The following PRDM5 variants were observed in gnomAD, a reference collection of about 807,000 sequenced individuals.
PRDM5 encodes the protein PR domain zinc finger protein 5.
PRDM5 carries 56 observed loss-of-function variants against 81.2 expected under a neutral mutation model. That is an observed-to-expected ratio of 0.69 (90% CI 0.56 to 0.86). PRDM5 has a LOEUF of 0.86. PRDM5 is among the 40% of genes least tolerant of loss of function. The pLI is 0.00. For synonymous variants in PRDM5, 267 were observed against 256.4 expected (o/e 1.04, Z -0.39); for missense variants, 697 against 770.1 (o/e 0.91, Z 1.12).
downstream of PRDM5, among the ~76,000 whole-genome samples, chr4:120,688,675 T>G (rs1015231087): frequency 5.3e-5 from 8 of 152,176 alleles, no homozygotes; most frequent in Non-Finnish European, 1.2e-4. Context: ...TCCAACTTCT[T>G]TTTTTACATG....
intron 12 of PRDM5, among the ~76,000 whole-genome samples, chr4:120,778,453 C>G (rs368831523): frequency 5.6e-4 from 85 of 152,222 alleles, no homozygotes; most frequent in African/African-American, 2.0e-3. Flanking sequence ...GAACCATCAC[C>G]ATAGCAAAAC....
intron 13 of PRDM5, among the ~76,000 whole-genome samples, chr4:120,768,576 C>T (rs1459600393): frequency 6.6e-6 from 1 of 152,064 alleles, no homozygotes; most frequent in Non-Finnish European, 1.5e-5. Flanking sequence ...ACAATGAGAG[C>T]CCCCAGATCT....
At chr4:120,731,210 C>T (rs1044954742) in intron 14 of PRDM5, among the ~76,000 whole-genome samples, 4 of 152,058 alleles carry the variant, frequency 2.6e-5, no homozygotes, top group African/African-American at 9.7e-5. Context: ...GAGATTTTTA[C>T]AGGTGTAATT....
intron 7 of PRDM5, chr4:120,812,805 T>C (rs1053743433): frequency 1.9e-4 from 79 of 413,622 alleles, no homozygotes; most frequent in Non-Finnish European, 3.2e-4. Context: ...CACTTTTCCA[T>C]GTACTAATAC....
chr4:120,706,707 GGTT>G, intron 15 of PRDM5, among the ~76,000 whole-genome samples: 1 of 144,198 alleles, frequency 6.9e-6, no homozygotes, highest in African/African-American at 2.5e-5. Context: ...GGGCAAAACT[GGTT>G]TTATATATAT....
chr4:120,718,472 T>G (rs1738123465), intron 14 of PRDM5, among the ~76,000 whole-genome samples: 1 of 152,242 alleles, frequency 6.6e-6, no homozygotes, highest in African/African-American at 2.4e-5. Flanking sequence ...ATTTCCTATT[T>G]CTAAATTTAA....
At chr4:120,810,504 CAAA>C (rs1357874152) in intron 8 of PRDM5, 3 of 151,926 alleles carry the variant, frequency 2.0e-5, no homozygotes, top group African/African-American at 7.2e-5. Context: ...TGGAATGTAA[CAAA>C]GAAGATTAGC....
In PRDM5 at chr4:120,871,975, A is replaced by G. The variant is rs562249267; in HGVS notation, c.178-18435T>C. 2.2e-3 allele frequency among the ~76,000 whole-genome samples: 337 copies of G among 151,758 alleles called. 1 individual carries two copies. Among genetic ancestry groups the G allele is most frequent in the African/African-American group, 7.6e-3 (314 of 41,356 alleles). On this transcript the variant is annotated intron_variant, in intron 2 of 15. Transcript: ENST00000264808. ...AGACCAGCCTGACCGACATGGTGAA[A>G]CCCCATCTCTACTAAAAATTCAAAA...
At chr4:120,797,519 G>A (rs1394059082) in intron 10 of PRDM5, among the ~76,000 whole-genome samples, 1 of 152,110 alleles carries the variant, frequency 6.6e-6, no homozygotes, top group Admixed American at 6.6e-5. Context: ...GTAAAGGGTA[G>A]AGTCTTTATA....
intron 1 of PRDM5, among the ~76,000 whole-genome samples, chr4:120,686,644 T>G (rs1022179981): frequency 2.0e-5 from 3 of 152,032 alleles, no homozygotes; most frequent in Admixed American, 2.0e-4. Context: ...ATTAATTTGG[T>G]GTTTAAATAA....
chr4:120,763,200 T>C (rs565815953), intron 13 of PRDM5, among the ~76,000 whole-genome samples: 6 of 152,280 alleles, frequency 3.9e-5, no homozygotes, highest in African/African-American at 1.4e-4. Context: ...GACAGCCACG[T>C]GCTCACGAAC....
Position 120,922,689 on chromosome 4 carries a change from C to T in PRDM5, c.-81G>A. On this transcript the variant is annotated 5_prime_UTR_variant, in exon 1 of 16. Coordinates refer to ENST00000264808, the MANE Select transcript of PRDM5 (RefSeq NM_018699.4). ...GGCGGCACATCGAAATTTGGGGTGC[C>T]AGGGTAGAGGGGAGAAACCGGCAGG... 4 of 1,534,814 alleles carry T rather than the reference C, an allele frequency of 2.6e-6. No individual in the cohort carries two copies. Among genetic ancestry groups the T allele is most frequent in the Non-Finnish European group, 3.5e-6 (4 of 1,133,296 alleles).
intron 14 of PRDM5, among the ~76,000 whole-genome samples, chr4:120,729,570 C>T (rs930175111): frequency 9.2e-5 from 14 of 151,976 alleles, no homozygotes; most frequent in African/African-American, 2.7e-4. Flanking sequence ...TCAAAAATAG[C>T]CATCTTCAAG....
chr4:120,756,292 A>G (rs1044175685), intron 13 of PRDM5, among the ~76,000 whole-genome samples: 2 of 152,218 alleles, frequency 1.3e-5, no homozygotes, highest in African/African-American at 4.8e-5. Flanking sequence ...ATCAGTGTGC[A>G]TTGTTTTGAA....
At chr4:120,813,573 G>T (rs531633349) in intron 7 of PRDM5, among the ~76,000 whole-genome samples, 6 of 152,276 alleles carry the variant, frequency 3.9e-5, no homozygotes, top group African/African-American at 1.4e-4. Context: ...TTAATGCACT[G>T]TTTTTAGCAG....
At chr4:120,918,391 T>C (rs1724465447) in intron 1 of PRDM5, among the ~76,000 whole-genome samples, 1 of 152,174 alleles carries the variant, frequency 6.6e-6, no homozygotes, top group Non-Finnish European at 1.5e-5. Context: ...AGCCCTAGGA[T>C]ACAAATCCAT....
At chr4:120,794,135 C>T (rs80012666) in intron 10 of PRDM5, among the ~76,000 whole-genome samples, 30,298 of 152,034 alleles carry the variant, frequency 0.2, 3,676 homozygotes, top group Non-Finnish European at 0.28. Flanking sequence ...TCATTGTGAA[C>T]GTGCTTCTAG....
At chr4:120,821,070 A>G in intron 4 of PRDM5, 101 bp downstream of exon 4, 1 of 1,307,020 alleles carries the variant, frequency 7.7e-7, no homozygotes. Context: ...ACTTTATTTG[A>G]GAATGCCATA....
chr4:120,693,189 C>T lies in PRDM5; in HGVS notation c.*1922G>A, dbSNP rs1222609550. On this transcript the variant is annotated 3_prime_UTR_variant, in exon 16 of 16. Coordinates refer to ENST00000264808, the MANE Select transcript of PRDM5 (RefSeq NM_018699.4). ...TCCCCAGCAGCCATGTGAACTGTGA[C>T]TCACTGAGATTACACAAAATTGGAA... 6.6e-6 allele frequency: 1 copy of T among 152,112 alleles called. No homozygotes were observed. Among genetic ancestry groups the T allele is most frequent in the African/African-American group, 2.4e-5 (1 of 41,426 alleles). The allele number at this position is 152,112 out of a possible 1,614,324, so 9.4% of individuals were successfully genotyped here. A position where few individuals can be genotyped will look rare whatever the true frequency, so the allele number is the denominator to read the frequency against.
Sources: gnomAD v4.1 joint callset for allele counts (sites outside exome capture counted in the v4.1 genomes callset) on GRCh38, gnomAD v4.1.1 for gene constraint, MANE v1.5 for transcripts, NCBI Gene and HGNC (gene_info 2026-07-23, HGNC 2026-07-21) for gene names.